Variants in WIPF3 observed in about 807,000 individuals in gnomAD.
The protein encoded by WIPF3 is WAS/WASL-interacting protein family member 3.
WIPF3 carries 33 observed loss-of-function variants against 38.9 expected under a neutral mutation model. That is an observed-to-expected ratio of 0.85 (90% CI 0.64 to 1.14). The LOEUF is 1.14. Among genes scored for constraint, WIPF3 ranks in the 50% most tolerant of loss-of-function variants. The pLI is 0.00. For synonymous variants in WIPF3, 324 were observed against 269.3 expected, an observed-to-expected ratio of 1.20 and a Z score of -1.99; for missense variants, 711 against 652.5, an observed-to-expected ratio of 1.09 and a Z score of -0.98.
chr7:29,829,810 T>G (rs1784687150), intron 1 of WIPF3, among the ~76,000 whole-genome samples: 2 of 152,184 alleles, frequency 1.3e-5, no homozygotes, highest in South Asian at 4.1e-4. Context: ...AAGTGAGTGT[T>G]AGTTCTGTTT....
intron 2 of WIPF3, among the ~76,000 whole-genome samples, chr7:29,843,190 G>A (rs1487383844): frequency 1.2e-4 from 19 of 152,232 alleles, no homozygotes; most frequent in Admixed American, 1.2e-3. Flanking sequence ...GTTGGCAGCA[G>A]GTTTCCTTGG....
intron 2 of WIPF3, among the ~76,000 whole-genome samples, chr7:29,868,235 G>C (rs916156994): frequency 2.0e-5 from 3 of 152,174 alleles, no homozygotes; most frequent in Non-Finnish European, 4.4e-5. Flanking sequence ...ATCCCCAGAA[G>C]AGGAGGTGGG....
intron 2 of WIPF3, among the ~76,000 whole-genome samples, chr7:29,850,129 A>G (rs183387142): frequency 6.6e-6 from 1 of 152,360 alleles, no homozygotes; most frequent in Non-Finnish European, 1.5e-5. Context: ...GTTACATTTA[A>G]AAGGAGCATG....
At chr7:29,859,702 A>G (rs1785243291) in intron 2 of WIPF3, among the ~76,000 whole-genome samples, 1 of 152,182 alleles carries the variant, frequency 6.6e-6, no homozygotes. Flanking sequence ...GGTCTGAGCC[A>G]GTTTCCTCTC....
intron 1 of WIPF3, among the ~76,000 whole-genome samples, chr7:29,830,385 G>A (rs1784699023): frequency 6.6e-6 from 1 of 151,848 alleles, no homozygotes; most frequent in Non-Finnish European, 1.5e-5. Flanking sequence ...AACTTGACCT[G>A]AATCATATCA....
At chr7:29,835,100 A>G (rs1456555549) in intron 2 of WIPF3, among the ~76,000 whole-genome samples, 4 of 151,724 alleles carry the variant, frequency 2.6e-5, no homozygotes, top group African/African-American at 7.3e-5. Flanking sequence ...CGCGAGTCTG[A>G]GTGACTTTCT....
intron 2 of WIPF3, among the ~76,000 whole-genome samples, chr7:29,837,149 A>T (rs989072040): frequency 9.2e-5 from 14 of 152,126 alleles, no homozygotes; most frequent in Non-Finnish European, 1.8e-4. Flanking sequence ...AGGTCAGGAG[A>T]TGGAGACCAC....
chr7:29,810,444 G>A (rs1343820926), intron 1 of WIPF3, among the ~76,000 whole-genome samples: 6 of 152,048 alleles, frequency 3.9e-5, no homozygotes, highest in African/African-American at 1.5e-4. Context: ...TTAAAGGACT[G>A]TGTAAGTGGA....
rs566517469 is a variant in WIPF3, at chr7:29,868,451, G to A, written c.91-7379G>A. ...ACGATCATTTGAAGGCTGTCTCAAAGAGAGATGAGAGTCCAATTTTGGAGA... is the reference window on the plus strand; with the variant it reads ...ACGATCATTTGAAGGCTGTCTCAAAAAGAGATGAGAGTCCAATTTTGGAGA... On this transcript the variant is annotated intron_variant, in intron 2 of 8. Transcript: ENST00000242140. Among the ~76,000 whole-genome samples, 7 of 152,174 alleles carry A rather than the reference G, an allele frequency of 4.6e-5. No individual in the cohort carries two copies. In the South Asian group the frequency reaches 1.2e-3, roughly 27 times the overall value.
At chr7:29,848,895 C>A (rs1205348701) in intron 2 of WIPF3, among the ~76,000 whole-genome samples, 1 of 151,914 alleles carries the variant, frequency 6.6e-6, no homozygotes, top group Non-Finnish European at 1.5e-5. Context: ...CGTATGCTAA[C>A]AATTTTTCAT....
intron 7 of WIPF3, among the ~76,000 whole-genome samples, chr7:29,892,181 A>C (rs1786037420): frequency 6.6e-6 from 1 of 152,008 alleles, no homozygotes; most frequent in African/African-American, 2.4e-5. Flanking sequence ...AGGCTCCTTT[A>C]CTCCCTCAGG....
chr7:29,824,706 T>G (rs1247094917), intron 1 of WIPF3, among the ~76,000 whole-genome samples: 2 of 152,176 alleles, frequency 1.3e-5, no homozygotes, highest in Non-Finnish European at 2.9e-5. Context: ...CTGGGAGTGA[T>G]GTCATGGACG....
chr7:29,866,115 C>T (rs553459165), intron 2 of WIPF3, among the ~76,000 whole-genome samples: 11 of 152,198 alleles, frequency 7.2e-5, no homozygotes, highest in Admixed American at 3.9e-4. Context: ...ACCAAAGTCG[C>T]GCCACTGCAC....
At chr7:29,857,487 T>G (rs949367980) in intron 2 of WIPF3, among the ~76,000 whole-genome samples, 4 of 152,114 alleles carry the variant, frequency 2.6e-5, no homozygotes, top group Non-Finnish European at 4.4e-5. Context: ...TTTTTTTTTC[T>G]GGTTTATAAG....
chr7:29,895,716 G>A (rs1786128809), intron 7 of WIPF3, among the ~76,000 whole-genome samples: 1 of 152,158 alleles, frequency 6.6e-6, no homozygotes, highest in Admixed American at 6.5e-5. Context: ...CTTGTGTCAC[G>A]TGACGGAGCG....
chr7:29,903,056 G>T (rs912825742), intron 7 of WIPF3, among the ~76,000 whole-genome samples: 1 of 152,110 alleles, frequency 6.6e-6, no homozygotes, highest in Non-Finnish European at 1.5e-5. Context: ...ATTTTGGGAG[G>T]CAAAGGCGGG....
At chr7:29,912,354 G>A (rs1189829423) in intron 8 of WIPF3, among the ~76,000 whole-genome samples, 1 of 152,208 alleles carries the variant, frequency 6.6e-6, no homozygotes, top group Non-Finnish European at 1.5e-5. Flanking sequence ...CAGCTGCTGT[G>A]GAAAACAGTA....
intron 2 of WIPF3, among the ~76,000 whole-genome samples, chr7:29,868,943 A>G (rs1488859910): frequency 6.6e-6 from 1 of 152,188 alleles, no homozygotes; most frequent in Non-Finnish European, 1.5e-5. Flanking sequence ...CATTATGCAG[A>G]GAATGTGCAC....
At chr7:29,811,415 C>G (rs755854420) in intron 1 of WIPF3, among the ~76,000 whole-genome samples, 1 of 152,052 alleles carries the variant, frequency 6.6e-6, no homozygotes, top group Non-Finnish European at 1.5e-5. Context: ...AGGGAACACA[C>G]GGGTTAGAAA....
Sources: gnomAD v4.1 joint callset for allele counts (sites outside exome capture counted in the v4.1 genomes callset) on GRCh38, gnomAD v4.1.1 for gene constraint, MANE v1.5 for transcripts, NCBI Gene and HGNC (gene_info 2026-07-23, HGNC 2026-07-21) for gene names.